DMBT1: variants seen among roughly 807,000 people sequenced by gnomAD.
DMBT1 encodes deleted in malignant brain tumors 1.
DMBT1 carries 198 observed loss-of-function variants against 252.9 expected under a neutral mutation model. The ratio of observed to expected loss-of-function variants is 0.78; its 90% CI spans 0.70 to 0.88. The LOEUF is 0.88. DMBT1 is among the 40% of genes least tolerant of loss of function. The pLI, the probability that DMBT1 is intolerant of heterozygous loss-of-function variation, is 0.00. For missense variants in DMBT1, 2,432 were observed against 2,404.7 expected (o/e 1.01, Z -0.24); for synonymous variants, 990 against 942.7 (o/e 1.05, Z -0.92).
chr10:122,565,621 T>C (rs573990175), intron 1 of DMBT1, among the ~76,000 whole-genome samples: 2 of 152,172 alleles, frequency 1.3e-5, no homozygotes, highest in African/African-American at 4.8e-5. Context: ...ATGCCAGCTA[T>C]ACTCAAATTT....
At chr10:122,565,514 A>G (rs2097582446) in intron 1 of DMBT1, among the ~76,000 whole-genome samples, 1 of 152,220 alleles carries the variant, frequency 6.6e-6, no homozygotes, top group African/African-American at 2.4e-5. Flanking sequence ...TTGCTTCAAG[A>G]TGGAATAAAA....
At chr10:122,639,173 G>A (rs1844037622) in intron 54 of DMBT1, among the ~76,000 whole-genome samples, 1 of 152,332 alleles carries the variant, frequency 6.6e-6, no homozygotes, top group East Asian at 1.9e-4. Flanking sequence ...ATTATTTGGA[G>A]TGGATTCAGA....
At chr10:122,625,343 G>A (rs1420969822) in intron 45 of DMBT1, 40 bp downstream of exon 45, 1 of 1,583,748 alleles carries the variant, frequency 6.3e-7, no homozygotes, top group South Asian at 1.1e-5. Flanking sequence ...ATTTCTCTTG[G>A]GAATTCCACC....
intron 24 of DMBT1, among the ~76,000 whole-genome samples, chr10:122,597,312 A>G (rs1172088053): frequency 6.6e-6 from 1 of 152,220 alleles, no homozygotes; most frequent in Admixed American, 6.5e-5. Context: ...TTAGAGGTTT[A>G]GGAAGTGACC....
At chr10:122,569,041 G>A (rs1362280852) in intron 2 of DMBT1, among the ~76,000 whole-genome samples, 1 of 152,196 alleles carries the variant, frequency 6.6e-6, no homozygotes, top group Non-Finnish European at 1.5e-5. Flanking sequence ...AATTGATATT[G>A]GAGGGCAGGT....
intron 11 of DMBT1, 92 bp downstream of exon 11, chr10:122,580,987 T>C (rs2097763696): frequency 4.6e-6 from 7 of 1,529,390 alleles, no homozygotes; most frequent in South Asian, 1.2e-5. Flanking sequence ...TTTCTCTGTG[T>C]GGATACTGTG....
In DMBT1 at chr10:122,643,455, T is replaced by TG; in HGVS notation, c.*60dup. ...GGCGCAGACCCCTGACTCGGGGACT[T>TG]GGGATGTTCCTCTTGGTGTCATATT... On this transcript the variant is annotated 3_prime_UTR_variant, in exon 56 of 56. Coordinates refer to ENST00000338354, the MANE Select transcript of DMBT1 (RefSeq NM_001377530.1). 1 of 1,545,634 alleles carries TG rather than the reference T, an allele frequency of 6.5e-7. No homozygotes were observed. Among genetic ancestry groups the TG allele is most frequent in the Non-Finnish European group, 8.7e-7 (1 of 1,142,942 alleles).
rs1844268368 is a variant in DMBT1, at chr10:122,640,188, C to T, written c.7091C>T (p.Thr2364Ile). Residue 2364 changes from threonine to isoleucine, a missense_variant, in exon 55 of 56, where the codon ACC becomes ATC. By Grantham distance (89) the Thr-to-Ile change is moderately conservative. This residue lies in a region of DMBT1 where 1,162 missense variants were observed against 1,169.0 expected (regional missense o/e 0.99). Transcript: ENST00000338354. ...GACACCATGTACATTGCTAATGACA[C>T]CATCCACGTTGCTAATAACACCATC... ...WVDTMYIAND[T>I]IHVANNTIQV... The T allele has an allele frequency of 1.2e-6, 2 of 1,613,952 alleles. No individual in the cohort carries two copies. The highest frequency in any genetic ancestry group is 1.7e-6 in the Non-Finnish European group (2 of 1,179,906).
At chr10:122,590,092 G>C (rs972317358) in intron 17 of DMBT1, among the ~76,000 whole-genome samples, 4 of 148,778 alleles carry the variant, frequency 2.7e-5, no homozygotes, top group Middle Eastern at 3.4e-3. Context: ...CTTATGCTGG[G>C]AAGGGAGGGT....
chr10:122,618,246 C>T lies in DMBT1; in HGVS notation c.5121C>T (p.Cys1707=), dbSNP rs562108872. ...CCATTGTCCTGGATGATGTGCGCTG[C>T]TCAGGACACGAGTCTTACCTGTGGA... The part of the protein sequence containing the change: ...SGPIVLDDVR[C]SGHESYLWSC... Residue 1707 remains cysteine, a synonymous_variant, in exon 41 of 56, where the codon TGC becomes TGT. Coordinates refer to ENST00000338354, the MANE Select transcript of DMBT1 (RefSeq NM_001377530.1). The T allele has an allele frequency of 4.0e-5, 64 of 1,613,802 alleles. No individual in the cohort carries two copies. The East Asian group carries it at 1.0e-3, about 26-fold the overall frequency.
Position 122,618,175 on chromosome 10 carries a change from G to A in DMBT1, c.5050G>A (p.Ala1684Thr), listed in dbSNP as rs146160070. The change falls in exon 41 of 56, where the codon GCC becomes ACC. Residue 1684 changes from alanine to threonine, a missense_variant. Physicochemically the swap from Ala to Thr is moderately conservative, Grantham distance 58 (BLOSUM62 0). Around this residue, in one of 3 missense-constraint regions of DMBT1, gnomAD observed 1,162 missense variants for 1,169.0 expected, o/e 0.99. Transcript: ENST00000338354. ...VVCRQLGCGW[A>T]MSAPGNAQFG... ...CTGCAGGCAGCTGGGCTGTGGCTGG[G>A]CCATGTCAGCCCCAGGAAATGCCCA... is the stretch of plus-strand genomic sequence containing the variant. The A allele has an allele frequency of 4.3e-6, 7 of 1,613,894 alleles. No homozygotes were observed. The African/African-American group carries it at 9.3e-5, about 22-fold the overall frequency.
chr10:122,624,994 A>G lies in DMBT1; in HGVS notation c.5609-283A>G, dbSNP rs185794697. Among the ~76,000 whole-genome samples the G allele has an allele frequency of 2.4e-3, 360 of 152,306 alleles. 3 individuals are homozygous for G. The highest frequency in any genetic ancestry group is 8.2e-3 in the African/African-American group (340 of 41,568). ...CCTCAGCAAGGCAATAACCTCAGCA[A>G]ATGTTGTTGGCGTCTTTGAATTTTA... On this transcript the variant is annotated intron_variant, in intron 44 of 55. Transcript: ENST00000338354.
intron 54 of DMBT1, 142 bp from the exon 55 acceptor site, chr10:122,639,898 T>C (rs773233609): frequency 7.2e-5 from 71 of 992,988 alleles, no homozygotes; most frequent in Admixed American, 2.7e-5. Flanking sequence ...GATAGGCACG[T>C]GCCATGGCCA....
intron 2 of DMBT1, among the ~76,000 whole-genome samples, chr10:122,567,510 C>A (rs887798318): frequency 6.6e-6 from 1 of 152,230 alleles, no homozygotes; most frequent in Non-Finnish European, 1.5e-5. Flanking sequence ...GGAAAAGCAA[C>A]CTGCCCCCTC....
At chr10:122,630,747 C>A (rs533731761) in intron 48 of DMBT1, among the ~76,000 whole-genome samples, 2 of 152,174 alleles carry the variant, frequency 1.3e-5, no homozygotes, top group Admixed American at 1.3e-4. Flanking sequence ...CACCCCTCTC[C>A]GTCTGGAGGT....
At chr10:122,564,658 G>A (rs923582551) in intron 1 of DMBT1, among the ~76,000 whole-genome samples, 2 of 151,002 alleles carry the variant, frequency 1.3e-5, no homozygotes, top group Non-Finnish European at 1.5e-5. Context: ...AAAATAAGAT[G>A]GTTGAAGTTC....
chr10:122,639,707 G>A (rs974729755), intron 54 of DMBT1, among the ~76,000 whole-genome samples: 3 of 152,116 alleles, frequency 2.0e-5, no homozygotes, highest in Admixed American at 6.5e-5. Flanking sequence ...TAAGTCATAC[G>A]GTTTATTGTG....
chr10:122,599,121 C>T (rs1300239251), intron 26 of DMBT1, 24 bp downstream of exon 26: 1 of 1,613,844 alleles, frequency 6.2e-7, no homozygotes, highest in South Asian at 1.1e-5. Context: ...AACTTGGGAT[C>T]ACTCTCTTGG....
Position 122,633,219 on chromosome 10 carries a change from C to T in DMBT1, c.6426C>T (p.Ser2142=), listed in dbSNP as rs373581250. Residue 2142 remains serine (S), a synonymous_variant, in exon 52 of 56, where the codon TCC becomes TCT. Coordinates refer to ENST00000338354, the MANE Select transcript of DMBT1 (RefSeq NM_001377530.1). ...ATTATTCCTGCGGAGGCTTCCTATC[C>T]CAACCATCAGGGGACTTTTCCAGCC... The part of the protein sequence containing the change: ...NTDYSCGGFL[S]QPSGDFSSPF... 1.2e-6 allele frequency: 2 copies of T among 1,613,878 alleles called. No individual in the cohort carries two copies. Among genetic ancestry groups the T allele is most frequent in the Middle Eastern group, 1.6e-4 (1 of 6,084 alleles).
Sources: allele counts gnomAD v4.1 joint callset (sites outside exome capture counted in the v4.1 genomes callset), GRCh38; gene constraint gnomAD v4.1.1; regional missense constraint gnomAD v4.1.1; transcripts MANE v1.5; gene names NCBI Gene and HGNC (gene_info 2026-07-23, HGNC 2026-07-21).